The following KDM4B variants were observed in gnomAD, a reference collection of about 807,000 sequenced individuals.
KDM4B encodes the protein lysine demethylase 4B.
KDM4B carries 32 observed loss-of-function variants against 125.2 expected under a neutral mutation model. The ratio of observed to expected loss-of-function variants is 0.26; its 90% CI spans 0.19 to 0.34. KDM4B has a LOEUF of 0.34. KDM4B is among the 10% of genes least tolerant of loss of function. KDM4B has a pLI of 1.00. For synonymous variants in KDM4B, 721 were observed against 677.9 expected, an observed-to-expected ratio of 1.06 and a Z score of -0.99; for missense variants, 1,190 against 1,577.7, an observed-to-expected ratio of 0.75 and a Z score of 4.16.
At chr19:4,995,990 CTCTCTCTTTCTT>C (rs1444225333) in intron 1 of KDM4B, among the ~76,000 whole-genome samples, 2 of 152,118 alleles carry the variant, frequency 1.3e-5, no homozygotes, top group African/African-American at 4.8e-5. Flanking sequence ...TTACTTTTCT[CTCTCTCTTTCTT>C]TCTTTTTAGA....
In KDM4B at chr19:5,062,781, T is replaced by TG. The variant is rs900656012; in HGVS notation, c.627-8229_627-8228insG. On this transcript the variant is annotated intron_variant, in intron 6 of 22. Coordinates refer to ENST00000159111, the MANE Select transcript of KDM4B (RefSeq NM_015015.3). ...CTTATGTTATAATTAAACTGTTTTT[T>TG]TTTTTTTTTTTTTTTTAGAGATAGA... Among the ~76,000 whole-genome samples the TG allele has an allele frequency of 2.7e-4, 39 of 146,960 alleles. No homozygotes were observed. The East Asian group carries it at 4.0e-3, about 15-fold the overall frequency.
rs2038321349 is a variant in KDM4B at position 5,082,235 on chromosome 19, T to A, written c.781-132T>A. Reference sequence around the variant, plus strand: ...CCCTGGAGCCCCTGGAGCCGCTGGATCACCTTTGACTTTGTGAAACCCCCT... The same window carrying A: ...CCCTGGAGCCCCTGGAGCCGCTGGAACACCTTTGACTTTGTGAAACCCCCT... On this transcript the variant is annotated intron_variant, in intron 8 of 22. Transcript: ENST00000159111. The surrounding 1 kb of genome is among the most constrained non-coding windows in gnomAD (Gnocchi z 5.4). 2 of 1,047,358 alleles carry A rather than the reference T, an allele frequency of 1.9e-6. No homozygotes were observed. Among genetic ancestry groups the A allele is most frequent in the East Asian group, 2.7e-5 (1 of 37,044 alleles). 64.9% of individuals were successfully genotyped at this position (1,047,358 alleles called of 1,614,324 possible). A position where few individuals can be genotyped will look rare whatever the true frequency, so the allele number is the denominator to read the frequency against.
intron 1 of KDM4B, among the ~76,000 whole-genome samples, chr19:4,973,449 A>G (rs1450639166): frequency 3.9e-5 from 6 of 152,128 alleles, no homozygotes. Flanking sequence ...TCGGCCTCCC[A>G]AAGTGCTGGG....
At position 5,081,618 on chromosome 19, in the gene KDM4B, T is replaced by C. The variant is rs924957013; in HGVS notation, c.781-749T>C. ...AGTCGAATGGGCCGAACATCCGAAT[T>C]GGACCTGGGTCTGGAAGCATTGGCC... On this transcript the variant is annotated intron_variant, in intron 8 of 22. Transcript: ENST00000159111. This position sits in a 1 kb window ranked among gnomAD's most constrained non-coding sequence, Gnocchi z 4.2. Among the ~76,000 whole-genome samples the C allele has an allele frequency of 3.3e-5, 5 of 152,264 alleles. No individual in the cohort carries two copies. Among genetic ancestry groups the C allele is most frequent in the Non-Finnish European group, 5.9e-5 (4 of 68,002 alleles).
chr19:5,068,092 CTTTTT>C (rs60727736), intron 6 of KDM4B, among the ~76,000 whole-genome samples: 1 of 141,716 alleles, frequency 7.1e-6, no homozygotes, highest in African/African-American at 2.6e-5. Flanking sequence ...CTGCTTTTGC[CTTTTT>C]TTTTTTTTTT....
In KDM4B at chr19:5,144,874, TCTC is replaced by T; in HGVS notation, c.2998_3000del (p.Ser1000del). The T allele has an allele frequency of 6.2e-7, 1 of 1,612,626 alleles. No homozygotes were observed. The highest frequency in any genetic ancestry group is 8.5e-7 in the Non-Finnish European group (1 of 1,179,642). ...GGCAACCTCTACAAGGCCAAGTTCATCTCCTCCGTCACCAGCCACATCTACCAG... is the reference window on the plus strand; with the variant it reads ...GGCAACCTCTACAAGGCCAAGTTCATCTCCGTCACCAGCCACATCTACCAG... On this transcript the variant is annotated inframe_deletion, in exon 21 of 23. Coordinates refer to ENST00000159111, the MANE Select transcript of KDM4B (RefSeq NM_015015.3).
intron 1 of KDM4B, among the ~76,000 whole-genome samples, chr19:5,007,031 C>T (rs1029943483): frequency 1.3e-5 from 2 of 152,068 alleles, no homozygotes; most frequent in Admixed American, 6.6e-5. Flanking sequence ...GAGGACCAGG[C>T]GCAGACCTGG....
chr19:5,104,373 A>G (rs756145051), intron 9 of KDM4B, among the ~76,000 whole-genome samples: 1 of 152,232 alleles, frequency 6.6e-6, no homozygotes, highest in Non-Finnish European at 1.5e-5. Context: ...TTCAGAGCCT[A>G]TAATAGTTCA....
In KDM4B at chr19:5,144,183, C is replaced by A. The variant is rs199776334; in HGVS notation, c.2736+31C>A. The A allele has an allele frequency of 6.9e-6, 11 of 1,587,936 alleles. 1 individual carries two copies. In the African/African-American group the frequency reaches 1.1e-4, roughly 15 times the overall value. ...TGCCTGCCCGCCTCCTTGCCCCCAGCCCCTGGCTCCCGCCCCCACCGACAC... is the reference window on the plus strand; with the variant it reads ...TGCCTGCCCGCCTCCTTGCCCCCAGACCCTGGCTCCCGCCCCCACCGACAC... On this transcript the variant is annotated intron_variant, in intron 19 of 22. Transcript: ENST00000159111.
intron 6 of KDM4B, among the ~76,000 whole-genome samples, chr19:5,060,692 G>A (rs1045417902): frequency 6.6e-6 from 1 of 152,136 alleles, no homozygotes; most frequent in South Asian, 2.1e-4. Flanking sequence ...CGGTTTGACG[G>A]CAGGCACGTG....
At chr19:4,993,662 G>A (rs184785461) in intron 1 of KDM4B, among the ~76,000 whole-genome samples, 16 of 151,954 alleles carry the variant, frequency 1.1e-4, no homozygotes, top group African/African-American at 3.9e-4. Flanking sequence ...CCAGTCTGGA[G>A]TGCAGTGTTG....
intron 9 of KDM4B, among the ~76,000 whole-genome samples, chr19:5,094,977 C>T (rs866889610): frequency 2.6e-5 from 4 of 151,656 alleles, no homozygotes; most frequent in Non-Finnish European, 4.4e-5. Flanking sequence ...GTCTGCAGCT[C>T]GGGGGCGGCG....
chr19:5,048,782 G>A (rs866721451), intron 6 of KDM4B, among the ~76,000 whole-genome samples: 2 of 152,382 alleles, frequency 1.3e-5, no homozygotes, highest in Middle Eastern at 6.8e-3. Flanking sequence ...TGCGTGGGCA[G>A]CGGGACGCCC....
intron 6 of KDM4B, among the ~76,000 whole-genome samples, chr19:5,053,648 C>T (rs1181754281): frequency 6.6e-6 from 1 of 152,226 alleles, no homozygotes; most frequent in African/African-American, 2.4e-5. Context: ...AGCTGTCTAG[C>T]CTGCATGAGG....
At chr19:5,043,526 T>C (rs1599486613) in intron 5 of KDM4B, among the ~76,000 whole-genome samples, 1 of 144,710 alleles carries the variant, frequency 6.9e-6, no homozygotes, top group East Asian at 2.2e-4. Flanking sequence ...GTGTCCACCA[T>C]ATCCTACGTG....
Position 5,131,234 on chromosome 19 carries a change from C to T in KDM4B, c.1474C>T (p.Pro492Ser), listed in dbSNP as rs370112708. Reference sequence around the variant, plus strand: ...CCCACTGGAGCCCCCGGTGCTGGGCCCAGGCCCTGCAGCCATGGAGGAGAG... The same window carrying T: ...CCCACTGGAGCCCCCGGTGCTGGGCTCAGGCCCTGCAGCCATGGAGGAGAG... ...PSPLEPPVLGPGPAAMEESPL... is the reference protein window; with the variant it reads ...PSPLEPPVLGSGPAAMEESPL... The change falls in exon 12 of 23, where the codon CCA becomes TCA. Residue 492 changes from proline (P) to serine (S), a missense_variant. Pro to Ser is a moderately conservative substitution (Grantham distance 74). Transcript: ENST00000159111. 15 of 1,607,856 alleles carry T rather than the reference C, an allele frequency of 9.3e-6. No individual in the cohort carries two copies. The African/African-American group carries it at 2.0e-4, about 21-fold the overall frequency.
intron 3 of KDM4B, among the ~76,000 whole-genome samples, chr19:5,033,377 A>C (rs761555093): frequency 1.3e-5 from 2 of 152,096 alleles, no homozygotes; most frequent in African/African-American, 2.4e-5. Flanking sequence ...GACGCCTTCC[A>C]GGGGTGTTCA....
chr19:5,150,309 C>A, intron 21 of KDM4B, 49 bp from the exon 22 acceptor site: 1 of 1,494,270 alleles, frequency 6.7e-7, no homozygotes, highest in East Asian at 2.5e-5. Flanking sequence ...GCCTGGAGCA[C>A]CTGCCATCCT....
chr19:5,120,454 T>C (rs920836059), intron 11 of KDM4B, among the ~76,000 whole-genome samples: 1 of 152,084 alleles, frequency 6.6e-6, no homozygotes, highest in Non-Finnish European at 1.5e-5. Context: ...TCAGCAGGTC[T>C]CCCACCTGCC....
Sources: gnomAD v4.1 joint callset for allele counts (sites outside exome capture counted in the v4.1 genomes callset) on GRCh38, gnomAD v4.1.1 for gene constraint, Gnocchi (gnomAD v3.1) non-coding constraint, MANE v1.5 for transcripts, NCBI Gene and HGNC (gene_info 2026-07-23, HGNC 2026-07-21) for gene names.